HS6ST2: variants seen among roughly 807,000 people sequenced by gnomAD.
HS6ST2 encodes the protein heparan-sulfate 6-O-sulfotransferase 2.
A neutral mutation model predicts 33.0 loss-of-function variants in HS6ST2; 17 were observed. The observed-to-expected ratio is 0.52, with a 90% CI of 0.35 to 0.77. The LOEUF (loss-of-function observed/expected upper bound fraction) is 0.77, where lower values mean the gene tolerates loss of function less well. HS6ST2 is among the 30% of genes least tolerant of loss of function. The pLI, the probability that HS6ST2 is intolerant of heterozygous loss-of-function variation, is 0.01. For synonymous variants in HS6ST2, 248 were observed against 237.1 expected, an observed-to-expected ratio of 1.05 and a Z score of -0.42; for missense variants, 519 against 551.7, an observed-to-expected ratio of 0.94 and a Z score of 0.59.
chrX:132,704,838 C>T (rs1271748955), intron 3 of HS6ST2, among the ~76,000 whole-genome samples: 1 of 111,974 alleles, frequency 8.9e-6, no homozygotes, highest in Non-Finnish European at 1.9e-5. Flanking sequence ...ATGCTCCATA[C>T]TTGTGCCTTG....
intron 2 of HS6ST2, among the ~76,000 whole-genome samples, chrX:132,947,277 T>C (rs958645589): frequency 3.6e-5 from 4 of 110,433 alleles, no homozygotes; most frequent in African/African-American, 1.3e-4. Flanking sequence ...TGTATATGTG[T>C]GTGTGTATAT....
chrX:132,936,721 G>A lies in HS6ST2; in HGVS notation c.947+20087C>T, dbSNP rs368456920. 7.2e-5 allele frequency among the ~76,000 whole-genome samples: 8 copies of A among 111,378 alleles called. No individual in the cohort carries two copies. The South Asian group carries it at 3.1e-3, about 43-fold the overall frequency. On this transcript the variant is annotated intron_variant, in intron 2 of 4. Transcript: ENST00000370833. ...ACTTGAGGGTGGAGACTGGGAGGAG[G>A]ATGAGGGTTGAAAAACTACTTGTCA...
intron 2 of HS6ST2, among the ~76,000 whole-genome samples, chrX:132,914,655 C>T (rs1303403643): frequency 3.6e-5 from 4 of 111,931 alleles, no homozygotes; most frequent in African/African-American, 1.3e-4. Flanking sequence ...ATTTTTTGGG[C>T]AGCCATCTAA....
At chrX:132,867,375 G>T (rs899759657) in intron 2 of HS6ST2, among the ~76,000 whole-genome samples, 1 of 109,295 alleles carries the variant, frequency 9.1e-6, no homozygotes, top group Non-Finnish European at 1.9e-5. Flanking sequence ...TGCTGGATTC[G>T]GTTTGCCAGT....
intron 2 of HS6ST2, among the ~76,000 whole-genome samples, chrX:132,955,699 G>A (rs992170836): frequency 2.7e-5 from 3 of 111,818 alleles, no homozygotes; most frequent in Admixed American, 9.4e-5. Context: ...GGAGACTTGC[G>A]AAACAGTAGC....
chrX:132,883,059 T>C (rs1387613502), intron 2 of HS6ST2, among the ~76,000 whole-genome samples: 1 of 100,730 alleles, frequency 9.9e-6, no homozygotes, highest in Non-Finnish European at 2.0e-5. Context: ...TGCATCAATG[T>C]TCATCAGGGA....
At chrX:132,919,553 C>T (rs1218484453) in intron 2 of HS6ST2, among the ~76,000 whole-genome samples, 3 of 112,234 alleles carry the variant, frequency 2.7e-5, no homozygotes, top group Non-Finnish European at 5.6e-5. Context: ...ATATTTTGTG[C>T]AGCTTCCCTT....
intron 2 of HS6ST2, among the ~76,000 whole-genome samples, chrX:132,896,843 T>TTA (rs2066381200): frequency 8.9e-6 from 1 of 112,212 alleles, no homozygotes; most frequent in South Asian, 3.7e-4. Flanking sequence ...TTTGAGCAGG[T>TTA]TATAATATGA....
At position 132,699,349 on chromosome X, in the gene HS6ST2, T is replaced by C. The variant is rs547341546; in HGVS notation, c.980+9113A>G. On this transcript the variant is annotated intron_variant, in intron 3 of 4. Coordinates refer to ENST00000370833, the MANE Select transcript of HS6ST2 (RefSeq NM_001394073.1). ...AGCCCCAAGAGTGTTGTTTTATTTATACATATTTTGATAGCATTGTAAAGG... is the reference window on the plus strand; with the variant it reads ...AGCCCCAAGAGTGTTGTTTTATTTACACATATTTTGATAGCATTGTAAAGG... Among the ~76,000 whole-genome samples the C allele has an allele frequency of 1.2e-4, 13 of 111,948 alleles. No individual in the cohort carries two copies. The South Asian group carries it at 3.4e-3, about 29-fold the overall frequency.
chrX:132,935,981 G>A (rs2066818699), intron 2 of HS6ST2, among the ~76,000 whole-genome samples: 1 of 104,483 alleles, frequency 9.6e-6, no homozygotes, highest in African/African-American at 3.5e-5. Context: ...GCAAGCAGAA[G>A]AAAAGAAATA....
chrX:132,842,565 AG>A (rs1316267297), intron 2 of HS6ST2, among the ~76,000 whole-genome samples: 1 of 111,746 alleles, frequency 8.9e-6, no homozygotes, highest in African/African-American at 3.3e-5. Context: ...AGAGAGAAAC[AG>A]TGCTTCCAGG....
At chrX:132,912,311 T>A (rs1308183588) in intron 2 of HS6ST2, among the ~76,000 whole-genome samples, 1 of 112,633 alleles carries the variant, frequency 8.9e-6, no homozygotes, top group African/African-American at 3.2e-5. Context: ...CTGTTCTGCA[T>A]CTGGACAGTC....
At chrX:132,796,388 C>T (rs1007999729) in intron 2 of HS6ST2, among the ~76,000 whole-genome samples, 5 of 112,403 alleles carry the variant, frequency 4.4e-5, no homozygotes, top group African/African-American at 1.6e-4. Flanking sequence ...GGCACCATAA[C>T]TGAGTCTGGC....
intron 4 of HS6ST2, among the ~76,000 whole-genome samples, chrX:132,637,866 A>G (rs858621): frequency 2.3e-5 from 1 of 42,689 alleles, no homozygotes; most frequent in Non-Finnish European, 3.2e-5. Context: ...TATATAATAT[A>G]TTATATATAA....
intron 4 of HS6ST2, among the ~76,000 whole-genome samples, chrX:132,637,865 TA>T (rs2063568485): frequency 2.8e-5 from 1 of 35,644 alleles, no homozygotes; most frequent in Admixed American, 4.1e-4. Context: ...ATATATAATA[TA>T]TTATATATAA....
chrX:132,904,649 T>G (rs1416016950), intron 2 of HS6ST2, among the ~76,000 whole-genome samples: 3 of 106,727 alleles, frequency 2.8e-5, no homozygotes, highest in Admixed American at 2.0e-4. Flanking sequence ...CACCTCAGCC[T>G]CCTTAGCAGC....
chrX:132,915,543 T>A (rs1193820545), intron 2 of HS6ST2, among the ~76,000 whole-genome samples: 2 of 111,280 alleles, frequency 1.8e-5, no homozygotes, highest in Non-Finnish European at 3.8e-5. Flanking sequence ...TTATCCTCCC[T>A]GGGTATCAGT....
chrX:132,844,732 TCAGTGAAATTA>T (rs2065735627), intron 2 of HS6ST2, among the ~76,000 whole-genome samples: 1 of 111,506 alleles, frequency 9.0e-6, no homozygotes, highest in Non-Finnish European at 1.9e-5. Context: ...CTTGACAATA[TCAGTGAAATTA>T]CAGAGCCATA....
At chrX:132,755,452 G>C (rs929638741) in intron 2 of HS6ST2, among the ~76,000 whole-genome samples, 11 of 110,035 alleles carry the variant, frequency 1.0e-4, no homozygotes, top group Non-Finnish European at 1.9e-4. Context: ...AACAGTATTA[G>C]AAAACAAACA....
Sources: gnomAD v4.1 joint callset for allele counts (sites outside exome capture counted in the v4.1 genomes callset) on GRCh38, gnomAD v4.1.1 for gene constraint, MANE v1.5 for transcripts, NCBI Gene and HGNC (gene_info 2026-07-23, HGNC 2026-07-21) for gene names.